ATP13A3: variants seen among roughly 807,000 people sequenced by gnomAD.
ATP13A3 encodes the protein ATPase 13A3.
Under a neutral mutation model 158.1 loss-of-function variants are expected in ATP13A3, and 59 were observed. The ratio of observed to expected loss-of-function variants is 0.37; its 90% confidence interval spans 0.30 to 0.46. The LOEUF (loss-of-function observed/expected upper bound fraction) is 0.46, where lower values mean the gene tolerates loss of function less well. Ranked by LOEUF, ATP13A3 falls within the 20% of genes least tolerant of loss-of-function variation. The pLI is 1.00. For synonymous variants in ATP13A3, 491 were observed against 504.3 expected (o/e 0.97, Z 0.35); for missense variants, 1,166 against 1,525.2 (o/e 0.76, Z 3.92).
intron 14 of ATP13A3, among the ~76,000 whole-genome samples, chr3:194,446,078 T>C (rs1245967858): frequency 1.3e-5 from 2 of 152,220 alleles, no homozygotes; most frequent in African/African-American, 4.8e-5. Flanking sequence ...TAATCTTTAC[T>C]GCTACTACTA....
chr3:194,455,624 C>T (rs1719172084), intron 8 of ATP13A3, among the ~76,000 whole-genome samples: 1 of 152,188 alleles, frequency 6.6e-6, no homozygotes, highest in Non-Finnish European at 1.5e-5. Flanking sequence ...AATTCTTGAG[C>T]TTTAGCCAAA....
At chr3:194,415,961 TA>T (rs1289816876) in intron 31 of ATP13A3, among the ~76,000 whole-genome samples, 2 of 152,156 alleles carry the variant, frequency 1.3e-5, no homozygotes, top group African/African-American at 2.4e-5. Flanking sequence ...AAAAGAAAAT[TA>T]AATCTGATCT....
chr3:194,450,097 A>G, intron 11 of ATP13A3, 48 bp downstream of exon 11: 13 of 1,586,290 alleles, frequency 8.2e-6, no homozygotes, highest in Non-Finnish European at 1.1e-5. Flanking sequence ...TAACTTAGTC[A>G]TGATATATCA....
At chr3:194,465,686 C>G (rs1470232005) in intron 2 of ATP13A3, among the ~76,000 whole-genome samples, 3 of 152,060 alleles carry the variant, frequency 2.0e-5, no homozygotes, top group African/African-American at 7.2e-5. Flanking sequence ...GTAAATAAAT[C>G]TAGGCGCAGG....
At chr3:194,459,725 C>G in intron 5 of ATP13A3, 64 bp downstream of exon 5, 1 of 1,508,414 alleles carries the variant, frequency 6.6e-7, no homozygotes, top group Non-Finnish European at 9.0e-7. Flanking sequence ...ATAGAATATA[C>G]ATGATAGCAT....
Position 194,486,817 on chromosome 3 carries a change from C to T in ATP13A3, c.-340G>A. Reference sequence around the variant, plus strand: ...CCTCCGCGCCCGCGGCGGCGGCGTGCAGCCGGCAGGGCGAGAACAAGGGAG... The same window carrying T: ...CCTCCGCGCCCGCGGCGGCGGCGTGTAGCCGGCAGGGCGAGAACAAGGGAG... On this transcript the variant is annotated 5_prime_UTR_variant, in exon 1 of 34. Coordinates refer to ENST00000645319, the MANE Select transcript of ATP13A3 (RefSeq NM_001367549.1). 1 of 151,720 alleles carries T rather than the reference C, an allele frequency of 6.6e-6. No homozygotes were observed. 9.4% of individuals were successfully genotyped at this position (151,720 alleles called of 1,614,324 possible). A position where few individuals can be genotyped will look rare whatever the true frequency, so the allele number is the denominator to read the frequency against.
chr3:194,433,781 T>C lies in ATP13A3; in HGVS notation c.2236A>G (p.Met746Val). 1 of 1,614,134 alleles carries C rather than the reference T, an allele frequency of 6.2e-7. No individual in the cohort carries two copies. Among genetic ancestry groups the C allele is most frequent in the Non-Finnish European group, 8.5e-7 (1 of 1,179,996 alleles). Residue 746 changes from methionine (M) to valine (V), a missense_variant, in exon 21 of 34, where the codon ATG (methionine) becomes GTG (valine). Coordinates refer to ENST00000645319, the MANE Select transcript of ATP13A3 (RefSeq NM_001367549.1). Reference protein sequence around the residue: ...DLHKANIRTVMVTGDSMLTAV... With the variant: ...DLHKANIRTVVVTGDSMLTAV... Reference sequence around the variant, plus strand: ...TTTTATAAAGTCTAACCTGTGACCATGACGGTGCGAATGTTGGCTTTATGC... The same window carrying C: ...TTTTATAAAGTCTAACCTGTGACCACGACGGTGCGAATGTTGGCTTTATGC...
intron 2 of ATP13A3, chr3:194,493,910 A>C (rs1034230691): frequency 5.6e-6 from 2 of 354,264 alleles, no homozygotes; most frequent in Non-Finnish European, 1.0e-5. Context: ...TCTAGGAAGG[A>C]GGTACTATTA....
At chr3:194,430,806 G>C (rs1717161552) in intron 24 of ATP13A3, 137 bp downstream of exon 24, 2 of 615,806 alleles carry the variant, frequency 3.2e-6, no homozygotes, top group Non-Finnish European at 4.9e-6. Flanking sequence ...TTAAAGTTCT[G>C]AACTATCTTA....
upstream of ATP13A3, chr3:194,487,307 C>T (rs188372364): frequency 7.9e-5 from 12 of 152,196 alleles, no homozygotes; most frequent in Non-Finnish European, 1.8e-4. Flanking sequence ...ACATCATAGT[C>T]CAATCTCCCA....
intron 32 of ATP13A3, among the ~76,000 whole-genome samples, chr3:194,413,494 C>T (rs1715587646): frequency 6.6e-6 from 1 of 152,166 alleles, no homozygotes; most frequent in Admixed American, 6.5e-5. Context: ...CCCCAAACTT[C>T]TCTCCTTTCT....
At chr3:194,474,117 A>G (rs1345849995) in intron 2 of ATP13A3, among the ~76,000 whole-genome samples, 1 of 152,186 alleles carries the variant, frequency 6.6e-6, no homozygotes, top group Non-Finnish European at 1.5e-5. Context: ...GGGGGGTGAC[A>G]GTGGGTATTT....
At chr3:194,444,667 G>C in intron 15 of ATP13A3, 58 bp downstream of exon 15, 2 of 1,399,496 alleles carry the variant, frequency 1.4e-6, no homozygotes, top group Non-Finnish European at 2.0e-6. Context: ...TTTGAATGTT[G>C]CACATGTTAA....
In ATP13A3 at chr3:194,412,188, T is replaced by C; in HGVS notation, c.3573+11A>G. 3 of 1,534,538 alleles carry C rather than the reference T, an allele frequency of 2.0e-6. No homozygotes were observed. Among genetic ancestry groups the C allele is most frequent in the Non-Finnish European group, 2.6e-6 (3 of 1,145,428 alleles). On this transcript the variant is annotated intron_variant, in intron 33 of 33. Transcript: ENST00000645319. ...GGCAGCAAGAATTGACAGGAAGTGC[T>C]GAGTTCCAACCTGCGGTGGCTGTGT...
chr3:194,473,416 T>C (rs1392421642), intron 2 of ATP13A3, among the ~76,000 whole-genome samples: 2 of 151,844 alleles, frequency 1.3e-5, no homozygotes, highest in African/African-American at 4.8e-5. Flanking sequence ...AATGAACCTA[T>C]TACAGAACAA....
In ATP13A3 at chr3:194,459,825, G is replaced by A; in HGVS notation, c.372C>T (p.His124=). The change falls in exon 5 of 34, where the codon CAC becomes CAT. Residue 124 remains histidine (H), a synonymous_variant. Transcript: ENST00000645319. ...LIENPTEENR[H]RISKYSQTES... Reference sequence around the variant, plus strand: ...CAGTCTGTGAATATTTACTGATCCTGTGCCTATTTTCTTCAGTGGGATTCT... The same window carrying A: ...CAGTCTGTGAATATTTACTGATCCTATGCCTATTTTCTTCAGTGGGATTCT... 4 of 1,612,970 alleles carry A rather than the reference G, an allele frequency of 2.5e-6. No homozygotes were observed. The highest frequency in any genetic ancestry group is 3.4e-6 in the Non-Finnish European group (4 of 1,179,464).
At chr3:194,425,637 T>C in intron 29 of ATP13A3, 108 bp from the exon 30 acceptor site, 1 of 852,082 alleles carries the variant, frequency 1.2e-6, no homozygotes, top group Admixed American at 2.9e-5. Flanking sequence ...CAAATAGAAA[T>C]ATGATATTTA....
Position 194,444,725 on chromosome 3 carries a change from C to T in ATP13A3, c.1559G>A (p.Arg520Gln), listed in dbSNP as rs777543545. Reference protein sequence around the residue: ...LWGIQRVENARFLSPEENVCN... With the variant: ...LWGIQRVENAQFLSPEENVCN... The stretch of plus-strand genomic sequence containing the variant: ...ACTATCAAGTCTAACTAATATTTAC[C>T]GTGCATTTTCCACTCGTTGAATCCC... The change falls in exon 15 of 34, where the codon CGA (arginine) becomes CAA (glutamine). Residue 520 changes from arginine to glutamine, a missense_variant and splice_region_variant. Physicochemically the swap from Arg to Gln is conservative, Grantham distance 43. This residue lies in a region of ATP13A3 where 997 missense variants were observed against 1,341.2 expected (regional missense o/e 0.74). Coordinates refer to ENST00000645319, the MANE Select transcript of ATP13A3 (RefSeq NM_001367549.1). 1.9e-6 allele frequency: 3 copies of T among 1,585,712 alleles called. No homozygotes were observed. Among genetic ancestry groups the T allele is most frequent in the South Asian group, 1.2e-5 (1 of 85,310 alleles).
intron 31 of ATP13A3, among the ~76,000 whole-genome samples, chr3:194,417,440 CACACAA>C (rs1156934760): frequency 3.3e-5 from 5 of 149,560 alleles, no homozygotes; most frequent in South Asian, 2.1e-4. Flanking sequence ...CACACACACA[CACACAA>C]AAGGAGGAAG....
Sources: gnomAD v4.1 joint callset for allele counts (sites outside exome capture counted in the v4.1 genomes callset) on GRCh38, gnomAD v4.1.1 for gene constraint, gnomAD v4.1.1 regional missense constraint, MANE v1.5 for transcripts, NCBI Gene and HGNC (gene_info 2026-07-23, HGNC 2026-07-21) for gene names.